KALRN: variants seen among roughly 807,000 people sequenced by gnomAD.
KALRN encodes the protein kalirin RhoGEF kinase, also known as kalirin.
Under a neutral mutation model 353.7 loss-of-function variants are expected in KALRN, and 70 were observed. The observed-to-expected ratio is 0.20, with a 90% CI of 0.16 to 0.24. The LOEUF (loss-of-function observed/expected upper bound fraction) is 0.24. Among genes scored for constraint, KALRN ranks in the 10% least tolerant of loss-of-function variants. The pLI, the probability that KALRN is intolerant of heterozygous loss-of-function variation, is 1.00. For missense variants in KALRN, 2,791 were observed against 3,756.7 expected (o/e 0.74, Z 6.72); for synonymous variants, 1,391 against 1,434.8 (o/e 0.97, Z 0.69).
At chr3:124,069,738 A>G (rs1366187772) in intron 1 of KALRN, among the ~76,000 whole-genome samples, 2 of 152,184 alleles carry the variant, frequency 1.3e-5, no homozygotes, top group Non-Finnish European at 2.9e-5. Context: ...TTCAGAGTGG[A>G]CTAGGGTAAG....
chr3:124,649,189 A>G (rs1578648763), intron 37 of KALRN, among the ~76,000 whole-genome samples: 1 of 152,148 alleles, frequency 6.6e-6, no homozygotes, highest in Non-Finnish European at 1.5e-5. Context: ...CATATTCTCC[A>G]TCTTTTCTTA....
intron 31 of KALRN, among the ~76,000 whole-genome samples, chr3:124,492,333 A>G (rs1414611172): frequency 6.6e-6 from 1 of 152,118 alleles, no homozygotes; most frequent in Non-Finnish European, 1.5e-5. Flanking sequence ...CCTGACATAT[A>G]TCCATACTGA....
chr3:124,327,334 G>A (rs551686705), intron 7 of KALRN, among the ~76,000 whole-genome samples: 80 of 152,276 alleles, frequency 5.3e-4, no homozygotes, highest in African/African-American at 1.6e-3. Flanking sequence ...ATGTTCTGGC[G>A]TAGTATTCAG....
intron 33 of KALRN, among the ~76,000 whole-genome samples, chr3:124,556,705 A>T (rs2071298810): frequency 6.6e-6 from 1 of 152,168 alleles, no homozygotes; most frequent in Non-Finnish European, 1.5e-5. Context: ...TTTGTTTTAG[A>T]GATTGTTATT....
chr3:124,619,233 A>G (rs936153169), intron 34 of KALRN, among the ~76,000 whole-genome samples: 3 of 152,036 alleles, frequency 2.0e-5, no homozygotes, highest in African/African-American at 7.2e-5. Context: ...TCCAAGTGGC[A>G]GAATTGCCTT....
intron 34 of KALRN, among the ~76,000 whole-genome samples, chr3:124,570,932 A>T (rs540918547): frequency 6.6e-6 from 1 of 152,316 alleles, no homozygotes; most frequent in Non-Finnish European, 1.5e-5. Flanking sequence ...TCAGCTAAGC[A>T]TTACTTGAGC....
At chr3:124,479,673 GAA>G (rs2061767060) in intron 27 of KALRN, among the ~76,000 whole-genome samples, 1 of 149,394 alleles carries the variant, frequency 6.7e-6, no homozygotes, top group African/African-American at 2.5e-5. Context: ...AGAACACAGA[GAA>G]TTAAAGTCCT....
At chr3:124,509,894 G>A (rs1254778633) in intron 33 of KALRN, among the ~76,000 whole-genome samples, 1 of 152,082 alleles carries the variant, frequency 6.6e-6, no homozygotes, top group South Asian at 2.1e-4. Flanking sequence ...CAACCCAAAG[G>A]ATATTAGAAG....
chr3:124,580,963 A>G (rs1309147519), intron 34 of KALRN, among the ~76,000 whole-genome samples: 1 of 151,340 alleles, frequency 6.6e-6, no homozygotes, highest in African/African-American at 2.4e-5. Flanking sequence ...TAATAATAAT[A>G]ATAATAATAA....
At chr3:124,556,732 C>T (rs1369715129) in intron 33 of KALRN, among the ~76,000 whole-genome samples, 1 of 152,174 alleles carries the variant, frequency 6.6e-6, no homozygotes, top group Non-Finnish European at 1.5e-5. Flanking sequence ...GTTATCATTA[C>T]TTTCATTATA....
At chr3:124,448,394 C>G (rs1048444273) in intron 21 of KALRN, among the ~76,000 whole-genome samples, 42 of 152,216 alleles carry the variant, frequency 2.8e-4, no homozygotes, top group Middle Eastern at 3.4e-3. Flanking sequence ...TTTCCAATGC[C>G]TTTAGGATAA....
chr3:124,424,236 C>CA (rs112930592), intron 15 of KALRN, among the ~76,000 whole-genome samples: 6,442 of 151,836 alleles, frequency 0.042, 292 homozygotes, highest in East Asian at 0.19. Flanking sequence ...TCATCCTAAG[C>CA]AAAAAACCAT....
intron 10 of KALRN, among the ~76,000 whole-genome samples, chr3:124,348,730 T>A (rs966702759): frequency 6.6e-6 from 1 of 152,032 alleles, no homozygotes; most frequent in Non-Finnish European, 1.5e-5. Flanking sequence ...TCAAACAGAT[T>A]TTTTTTTGAG....
intron 45 of KALRN, among the ~76,000 whole-genome samples, chr3:124,664,913 G>A (rs1444664152): frequency 6.6e-6 from 1 of 152,166 alleles, no homozygotes; most frequent in African/African-American, 2.4e-5. Flanking sequence ...TCCCTTTGGT[G>A]CTGGCCGAGC....
intron 34 of KALRN, among the ~76,000 whole-genome samples, chr3:124,620,379 T>C (rs2079136602): frequency 6.6e-6 from 1 of 152,118 alleles, no homozygotes; most frequent in Non-Finnish European, 1.5e-5. Context: ...GCTGGGATTA[T>C]AGGCATGAGC....
intron 59 of KALRN, among the ~76,000 whole-genome samples, chr3:124,718,296 T>C (rs370419894): frequency 2.0e-5 from 3 of 152,058 alleles, no homozygotes; most frequent in East Asian, 3.9e-4. Context: ...AATTTTTTTG[T>C]ATTTTTAGTA....
At chr3:124,300,346 A>G (rs1052386357) in intron 6 of KALRN, among the ~76,000 whole-genome samples, 3 of 152,196 alleles carry the variant, frequency 2.0e-5, no homozygotes, top group South Asian at 2.1e-4. Flanking sequence ...GGTTGAAAAC[A>G]ACAGAGGTTT....
intron 1 of KALRN, chr3:124,163,927 T>C (rs1035474298): frequency 4.1e-6 from 4 of 985,350 alleles, no homozygotes; most frequent in African/African-American, 3.5e-5. Context: ...TGAGGGCTGT[T>C]GTAGCTTTCA....
At chr3:124,266,556 T>C (rs1257932290) in intron 4 of KALRN, among the ~76,000 whole-genome samples, 1 of 152,232 alleles carries the variant, frequency 6.6e-6, no homozygotes, top group Non-Finnish European at 1.5e-5. Context: ...TCCTCAGAAT[T>C]CTAGTCCTCA....
Sources: allele counts gnomAD v4.1 joint callset (sites outside exome capture counted in the v4.1 genomes callset), GRCh38; gene constraint gnomAD v4.1.1; transcripts MANE v1.5; gene names NCBI Gene and HGNC (gene_info 2026-07-23, HGNC 2026-07-21).